BCAR3: variants seen among roughly 807,000 people sequenced by gnomAD.
The protein encoded by BCAR3 is breast cancer anti-estrogen resistance protein 3.
BCAR3 carries 37 observed loss-of-function variants against 80.1 expected under a neutral mutation model. The ratio of observed to expected loss-of-function variants is 0.46; its 90% confidence interval spans 0.36 to 0.61. The LOEUF is 0.61. Ranked by LOEUF, BCAR3 falls within the 20% of genes least tolerant of loss-of-function variation. The pLI, the probability that BCAR3 is intolerant of heterozygous loss-of-function variation, is 0.00. For missense variants in BCAR3, 978 were observed against 1,068.2 expected (o/e 0.92, Z 1.18); for synonymous variants, 389 against 418.9 (o/e 0.93, Z 0.87).
At chr1:93,738,630 G>T (rs1296877068) in intron 2 of BCAR3, among the ~76,000 whole-genome samples, 1 of 152,200 alleles carries the variant, frequency 6.6e-6, no homozygotes, top group South Asian at 2.1e-4. Flanking sequence ...AGAGGGCTGG[G>T]CAGGGCAGGG....
At chr1:93,827,331 G>C (rs754321679) in intron 2 of BCAR3, among the ~76,000 whole-genome samples, 8 of 152,128 alleles carry the variant, frequency 5.3e-5, no homozygotes, top group Non-Finnish European at 1.0e-4. Context: ...GAGTTGGTCA[G>C]ATTTAGCAAA....
intron 2 of BCAR3, among the ~76,000 whole-genome samples, chr1:93,731,250 A>C (rs1650778628): frequency 1.3e-5 from 2 of 152,214 alleles, no homozygotes; most frequent in Admixed American, 6.5e-5. Flanking sequence ...AAAACTAGTG[A>C]AATCCAAATA....
chr1:93,745,964 C>CAGA (rs1651344745), intron 2 of BCAR3, among the ~76,000 whole-genome samples: 1 of 152,188 alleles, frequency 6.6e-6, no homozygotes, highest in Non-Finnish European at 1.5e-5. Flanking sequence ...TAGAACTCTT[C>CAGA]AGAAGATAGA....
At chr1:93,595,173 G>A (rs1674372482) in intron 3 of BCAR3, among the ~76,000 whole-genome samples, 1 of 152,194 alleles carries the variant, frequency 6.6e-6, no homozygotes, top group Non-Finnish European at 1.5e-5. Context: ...GAGAAATGAA[G>A]ATATTAAGAT....
chr1:93,752,731 C>T (rs4542218), intron 2 of BCAR3, among the ~76,000 whole-genome samples: 12,927 of 152,214 alleles, frequency 0.085, 1,075 homozygotes, highest in African/African-American at 0.21. Flanking sequence ...GAAGGCAGGA[C>T]GTTGGCTTGA....
intron 11 of BCAR3, among the ~76,000 whole-genome samples, chr1:93,566,698 A>C (rs951128088): frequency 6.6e-6 from 1 of 152,118 alleles, no homozygotes; most frequent in Admixed American, 6.5e-5. Context: ...ACCTTTTCTA[A>C]TCTCACCTAT....
At chr1:93,740,297 G>A (rs553208449) in intron 2 of BCAR3, among the ~76,000 whole-genome samples, 53 of 152,330 alleles carry the variant, frequency 3.5e-4, no homozygotes, top group African/African-American at 1.2e-3. Flanking sequence ...AGACACAGGC[G>A]TTAACAGCAC....
intron 2 of BCAR3, among the ~76,000 whole-genome samples, chr1:93,788,116 G>T (rs1376746529): frequency 6.6e-6 from 1 of 151,980 alleles, no homozygotes; most frequent in Non-Finnish European, 1.5e-5. Context: ...TGTTTTGTCT[G>T]ATATAAGAAT....
intron 2 of BCAR3, among the ~76,000 whole-genome samples, chr1:93,833,647 C>T (rs1654657049): frequency 6.6e-6 from 1 of 152,170 alleles, no homozygotes; most frequent in Non-Finnish European, 1.5e-5. Context: ...TTCACTTTTG[C>T]AAGAAGAGAA....
At position 93,681,667 on chromosome 1, in the gene BCAR3, GCGCGGCCGGCCTCGCACCGCCCGCGC is replaced by G; in HGVS notation, c.-107_-82del. ...CCTCCGGCTGGGGCTCAAAGGCGCCGCGCGGCCGGCCTCGCACCGCCCGCGCCGCGGCTGCTCCCGGAGCTGGGGAC... is the reference window on the plus strand; with the variant it reads ...CCTCCGGCTGGGGCTCAAAGGCGCCGCGCGGCTGCTCCCGGAGCTGGGGAC... On this transcript the variant is annotated 5_prime_UTR_variant, in exon 1 of 12. An upstream open reading frame in the 5' UTR loses its in-frame stop. Transcript: ENST00000260502. The G allele has an allele frequency of 6.6e-6, 1 of 151,786 alleles. No individual in the cohort carries two copies. The highest frequency in any genetic ancestry group is 2.4e-5 in the African/African-American group (1 of 41,466). 9.4% of individuals were successfully genotyped at this position (151,786 alleles called of 1,614,324 possible). A position where few individuals can be genotyped will look rare whatever the true frequency, so the allele number is the denominator to read the frequency against.
intron 3 of BCAR3, among the ~76,000 whole-genome samples, chr1:93,616,868 C>T (rs1263884083): frequency 6.6e-6 from 1 of 152,200 alleles, no homozygotes; most frequent in African/African-American, 2.4e-5. Flanking sequence ...CCATCCACCG[C>T]CCTTCTCTGG....
At chr1:93,598,511 T>C (rs770290037) in intron 3 of BCAR3, among the ~76,000 whole-genome samples, 4 of 152,170 alleles carry the variant, frequency 2.6e-5, no homozygotes, top group Non-Finnish European at 5.9e-5. Context: ...TGGCCATCCA[T>C]TGTCATGACC....
At chr1:93,796,716 CA>C (rs1653287525) in intron 2 of BCAR3, among the ~76,000 whole-genome samples, 1 of 152,154 alleles carries the variant, frequency 6.6e-6, no homozygotes, top group African/African-American at 2.4e-5. Flanking sequence ...CGCTTCCAAA[CA>C]AAAATATCCA....
In BCAR3 at chr1:93,810,027, T is replaced by TA. The variant is rs764686320; in HGVS notation, c.-63+35539dup. ...ACCAGCCTGGCCAAGATAGCTCTAC[T>TA]AAAAAAAAATACAAAAATTAGCAGG... On this transcript the variant is annotated intron_variant, in intron 2 of 13. Coordinates refer to the BCAR3 transcript ENST00000370244. Among the ~76,000 whole-genome samples the TA allele has an allele frequency of 4.2e-4, 63 of 148,722 alleles. No individual in the cohort carries two copies. The East Asian group carries it at 6.0e-3, about 14-fold the overall frequency.
intron 2 of BCAR3, among the ~76,000 whole-genome samples, chr1:93,832,321 C>T (rs1654595146): frequency 6.6e-6 from 1 of 152,172 alleles, no homozygotes; most frequent in South Asian, 2.1e-4. Flanking sequence ...CTGCCTACCC[C>T]AGGATCTTGC....
intron 7 of BCAR3, among the ~76,000 whole-genome samples, chr1:93,576,943 A>G (rs755810023): frequency 1.3e-5 from 2 of 152,136 alleles, no homozygotes; most frequent in Non-Finnish European, 2.9e-5. Flanking sequence ...CTGCTTGAGG[A>G]CAGGAGTTTG....
intron 2 of BCAR3, among the ~76,000 whole-genome samples, chr1:93,790,513 C>T (rs970718140): frequency 1.2e-4 from 18 of 151,752 alleles, no homozygotes; most frequent in Non-Finnish European, 2.1e-4. Context: ...GTTATTCTGT[C>T]CTAAAGGTAG....
chr1:93,693,324 C>A (rs1020330155), intron 3 of BCAR3, among the ~76,000 whole-genome samples: 1 of 152,198 alleles, frequency 6.6e-6, no homozygotes, highest in Non-Finnish European at 1.5e-5. Flanking sequence ...TTTCATACAG[C>A]TGTGAGAGGC....
chr1:93,694,955 T>C (rs1557657221), intron 3 of BCAR3, among the ~76,000 whole-genome samples: 1 of 152,188 alleles, frequency 6.6e-6, no homozygotes, highest in Non-Finnish European at 1.5e-5. Context: ...CAGCCTACAC[T>C]CTGGCCCACC....
Sources: gnomAD v4.1 joint callset for allele counts (sites outside exome capture counted in the v4.1 genomes callset) on GRCh38, gnomAD v4.1.1 for gene constraint, MANE v1.5 for transcripts, NCBI Gene and HGNC (gene_info 2026-07-23, HGNC 2026-07-21) for gene names.